Variants in PUS7 observed in about 807,000 individuals in gnomAD.
The protein encoded by PUS7 is pseudouridine synthase 7, also known as pseudouridylate synthase 7 homolog.
Under a neutral mutation model 79.8 loss-of-function variants are expected in PUS7, and 48 were observed. The ratio of observed to expected loss-of-function variants is 0.60; its 90% confidence interval spans 0.48 to 0.76. PUS7 has a LOEUF of 0.76. Among genes scored for constraint, PUS7 ranks in the 30% least tolerant of loss-of-function variants. PUS7 has a pLI of 0.00. For synonymous variants in PUS7, 286 were observed against 272.2 expected (o/e 1.05, Z -0.50); for missense variants, 729 against 797.6 (o/e 0.91, Z 1.04).
Position 105,459,151 on chromosome 7 carries a change from T to C in PUS7, c.1849+17A>G. ...CATTTCAAAGTCAACACAGAGCTGATGACTGAGTAAACTTACCAGAAGCAA... is the reference window on the plus strand; with the variant it reads ...CATTTCAAAGTCAACACAGAGCTGACGACTGAGTAAACTTACCAGAAGCAA... On this transcript the variant is annotated intron_variant, in intron 15 of 15. Transcript: ENST00000469408. 6.5e-7 allele frequency: 1 copy of C among 1,545,320 alleles called. No homozygotes were observed. Among genetic ancestry groups the C allele is most frequent in the South Asian group, 1.2e-5 (1 of 86,472 alleles).
intron 5 of PUS7, among the ~76,000 whole-genome samples, chr7:105,497,887 T>G (rs1825100099): frequency 1.3e-5 from 2 of 152,228 alleles, no homozygotes; most frequent in South Asian, 4.1e-4. Context: ...TCTATTTGAC[T>G]GCAAGTTTGA....
At chr7:105,464,978 C>T (rs527321643) in intron 13 of PUS7, among the ~76,000 whole-genome samples, 1 of 152,114 alleles carries the variant, frequency 6.6e-6, no homozygotes, top group South Asian at 2.1e-4. Flanking sequence ...ACTACCAGGC[C>T]CAGCTAATTT....
At chr7:105,486,775 C>T (rs578044011) in intron 7 of PUS7, among the ~76,000 whole-genome samples, 2 of 151,596 alleles carry the variant, frequency 1.3e-5, no homozygotes, top group East Asian at 3.9e-4. Context: ...ATAAAATTCA[C>T]AAGGCTGGGC....
chr7:105,468,232 C>A, intron 12 of PUS7, 105 bp downstream of exon 12: 1 of 1,463,730 alleles, frequency 6.8e-7, no homozygotes, highest in Non-Finnish European at 9.2e-7. Flanking sequence ...CGTGCCTCAC[C>A]ACATCTCTCT....
intron 14 of PUS7, chr7:105,462,414 T>G: frequency 2.0e-6 from 1 of 504,936 alleles, no homozygotes; most frequent in Non-Finnish European, 3.4e-6. Flanking sequence ...CCTGGGTGAC[T>G]AGTGAAACTC....
chr7:105,514,913 T>TC (rs1268794451), intron 1 of PUS7, among the ~76,000 whole-genome samples: 1 of 151,580 alleles, frequency 6.6e-6, no homozygotes, highest in Non-Finnish European at 1.5e-5. Context: ...TGCCTCAGCC[T>TC]CCTCCCGAGT....
Position 105,502,638 on chromosome 7 carries a change from A to T in PUS7, c.586-74T>A, listed in dbSNP as rs1034093643. On this transcript the variant is annotated intron_variant, in intron 4 of 15. Transcript: ENST00000469408. Reference sequence around the variant, plus strand: ...TAGGGAAGTAATACAGTGAATTAGTAAAAACACTGCTCACCTTATTAACTA... The same window carrying T: ...TAGGGAAGTAATACAGTGAATTAGTTAAAACACTGCTCACCTTATTAACTA... The T allele has an allele frequency of 2.0e-6, 3 of 1,467,096 alleles. No individual in the cohort carries two copies. In the East Asian group the frequency reaches 6.8e-5, roughly 33 times the overall value. 90.9% of individuals were successfully genotyped at this position (1,467,096 alleles called of 1,614,324 possible).
In PUS7 at chr7:105,488,139, C is replaced by T. The variant is rs371534117; in HGVS notation, c.920+3401G>A. On this transcript the variant is annotated intron_variant, in intron 7 of 15. Coordinates refer to ENST00000469408, the MANE Select transcript of PUS7 (RefSeq NM_019042.5). ...GGAAGATGATAAAGGCAGCAAAAAT[C>T]TGAGGACAGAGCAGTGTCCTGATGA... 1.1e-3 allele frequency among the ~76,000 whole-genome samples: 174 copies of T among 152,282 alleles called. 2 individuals are homozygous for T. Among genetic ancestry groups the T allele is most frequent in the African/African-American group, 4.0e-3 (167 of 41,560 alleles).
chr7:105,472,543 T>G lies in PUS7; in HGVS notation c.1176-350A>C, dbSNP rs1306959343. On this transcript the variant is annotated intron_variant, in intron 9 of 15. Coordinates refer to ENST00000469408, the MANE Select transcript of PUS7 (RefSeq NM_019042.5). ...AGCCATTACACCTGGTCCTACATCA[T>G]CTCATTAAACTTAAAAGTAGGCAGA... Among the ~76,000 whole-genome samples the G allele has an allele frequency of 2.0e-5, 3 of 152,180 alleles. No homozygotes were observed. In the East Asian group the frequency reaches 5.8e-4, roughly 29 times the overall value.
chr7:105,470,464 C>T (rs1437770841), intron 11 of PUS7: 3 of 392,910 alleles, frequency 7.6e-6, no homozygotes, highest in Non-Finnish European at 1.3e-5. Flanking sequence ...ATGTTTTCCA[C>T]ATTGACGCTT....
chr7:105,475,334 C>CCA (rs1563362038), intron 9 of PUS7, among the ~76,000 whole-genome samples: 1 of 152,034 alleles, frequency 6.6e-6, no homozygotes, highest in Non-Finnish European at 1.5e-5. Context: ...TACAGGCGCG[C>CCA]GCCACCACGC....
chr7:105,509,830 A>G (rs1468976143), intron 1 of PUS7, among the ~76,000 whole-genome samples: 2 of 152,110 alleles, frequency 1.3e-5, no homozygotes, highest in East Asian at 1.9e-4. Context: ...TTGGGTACAT[A>G]AACTGAACAA....
Position 105,522,062 on chromosome 7 carries a change from G to A in PUS7, c.-43C>T, listed in dbSNP as rs1418172889. On this transcript the variant is annotated 5_prime_UTR_variant, in exon 1 of 16. Transcript: ENST00000469408. ...AGGCCGCGCACTTACCCGGAGCCTG[G>A]GAGCGCGGGCGCGGCGTGAGCTGGG... The A allele has an allele frequency of 6.6e-6, 1 of 151,694 alleles. No individual in the cohort carries two copies. The highest frequency in any genetic ancestry group is 2.4e-5 in the African/African-American group (1 of 41,028). The allele number at this position is 151,694 out of a possible 1,614,324, so 9.4% of individuals were successfully genotyped here.
In PUS7 at chr7:105,457,587, G is replaced by T; in HGVS notation, c.*203C>A. 2.5e-6 allele frequency: 1 copy of T among 402,380 alleles called. No homozygotes were observed. Among genetic ancestry groups the T allele is most frequent in the South Asian group, 6.6e-5 (1 of 15,094 alleles). 24.9% of individuals were successfully genotyped at this position (402,380 alleles called of 1,614,324 possible). ...GTATTTTGACTAATTTATATTCTGA[G>T]CTAAAATTAAGAACCTCAGGATTTG... On this transcript the variant is annotated 3_prime_UTR_variant, in exon 16 of 16. Coordinates refer to ENST00000469408, the MANE Select transcript of PUS7 (RefSeq NM_019042.5).
At chr7:105,518,662 T>C (rs937775455) in intron 1 of PUS7, among the ~76,000 whole-genome samples, 1 of 152,198 alleles carries the variant, frequency 6.6e-6, no homozygotes, top group African/African-American at 2.4e-5. Flanking sequence ...CAACTGGGAT[T>C]ACAGGTGTGC....
At position 105,495,194 on chromosome 7, in the gene PUS7, T is replaced by C; in HGVS notation, c.790A>G (p.Lys264Glu). The C allele has an allele frequency of 6.2e-7, 1 of 1,612,926 alleles. No homozygotes were observed. The highest frequency in any genetic ancestry group is 1.7e-4 in the Middle Eastern group (1 of 6,028). The change falls in exon 6 of 16, where the codon AAG becomes GAG. Residue 264 changes from lysine to glutamate, a missense_variant. Physicochemically the swap from Lys to Glu is moderately conservative, Grantham distance 56. Coordinates refer to ENST00000469408, the MANE Select transcript of PUS7 (RefSeq NM_019042.5). ...RGSYCHFVLY[K>E]ENKDTMDAIN... ...GCATCCATGGTGTCTTTGTTTTCCTTATATAGTACGAAGTGGCAGTAACTT... is the reference window on the plus strand; with the variant it reads ...GCATCCATGGTGTCTTTGTTTTCCTCATATAGTACGAAGTGGCAGTAACTT...
At chr7:105,515,715 A>G (rs7784501) in intron 1 of PUS7, among the ~76,000 whole-genome samples, 8,452 of 150,976 alleles carry the variant, frequency 0.056, 794 homozygotes, top group African/African-American at 0.19. Context: ...GCAACCTCCA[A>G]CTCCTGAGTT....
At chr7:105,505,861 T>G in intron 4 of PUS7, 94 bp downstream of exon 4, 1 of 1,026,732 alleles carries the variant, frequency 9.7e-7, no homozygotes, top group Non-Finnish European at 1.5e-6. Flanking sequence ...TCACCCTTTG[T>G]TAACCATTGT....
chr7:105,516,196 T>C (rs1214331093), intron 1 of PUS7, among the ~76,000 whole-genome samples: 1 of 151,762 alleles, frequency 6.6e-6, no homozygotes, highest in African/African-American at 2.4e-5. Context: ...CCACCCACAT[T>C]GGCCTCCCAA....
Sources: gnomAD v4.1 joint callset for allele counts (sites outside exome capture counted in the v4.1 genomes callset) on GRCh38, gnomAD v4.1.1 for gene constraint, MANE v1.5 for transcripts, NCBI Gene and HGNC (gene_info 2026-07-23, HGNC 2026-07-21) for gene names.